The following RNF43 variants were observed in gnomAD, a reference collection of about 807,000 sequenced individuals.
RNF43 encodes the protein E3 ubiquitin-protein ligase RNF43.
Under a neutral mutation model 78.4 loss-of-function variants are expected in RNF43, and 37 were observed. The ratio of observed to expected loss-of-function variants is 0.47; its 90% CI spans 0.36 to 0.62. RNF43 has a LOEUF of 0.62. Ranked by LOEUF, RNF43 falls within the 20% of genes least tolerant of loss-of-function variation. The probability of loss-of-function intolerance (pLI) is 0.00; values close to 1 mark genes in which losing one functional copy is unlikely to be tolerated. For synonymous variants in RNF43, 347 were observed against 395.0 expected, an observed-to-expected ratio of 0.88 and a Z score of 1.44; for missense variants, 774 against 1,007.9, an observed-to-expected ratio of 0.77 and a Z score of 3.14.
At chr17:58,362,738 G>T (rs1396274578) in intron 5 of RNF43, 90 bp from the exon 6 acceptor site, 7 of 972,794 alleles carry the variant, frequency 7.2e-6, no homozygotes, top group Non-Finnish European at 1.1e-5. Flanking sequence ...GAGGCACATA[G>T]CTAACTGGAG....
At chr17:58,412,153 A>T (rs1232767535) in intron 2 of RNF43, among the ~76,000 whole-genome samples, 1 of 152,172 alleles carries the variant, frequency 6.6e-6, no homozygotes, top group African/African-American at 2.4e-5. Flanking sequence ...AAAATAAAAG[A>T]GTGGAAGGAA....
chr17:58,384,173 TA>T (rs1973383247), intron 2 of RNF43, among the ~76,000 whole-genome samples: 1 of 152,216 alleles, frequency 6.6e-6, no homozygotes, highest in Non-Finnish European at 1.5e-5. Flanking sequence ...GCGCAAATAG[TA>T]AGAGACACAA....
At chr17:58,395,964 G>A (rs1038006318) in intron 2 of RNF43, among the ~76,000 whole-genome samples, 2 of 148,916 alleles carry the variant, frequency 1.3e-5, no homozygotes, top group African/African-American at 2.5e-5. Flanking sequence ...AGACACAACC[G>A]TTAGGATGTA....
At chr17:58,396,764 T>C (rs1013067263) in intron 2 of RNF43, among the ~76,000 whole-genome samples, 2 of 152,228 alleles carry the variant, frequency 1.3e-5, no homozygotes, top group African/African-American at 4.8e-5. Context: ...TATGTATATA[T>C]GTATGGAATA....
intron 2 of RNF43, among the ~76,000 whole-genome samples, chr17:58,391,689 C>T (rs1259436791): frequency 6.6e-6 from 1 of 152,210 alleles, no homozygotes; most frequent in Non-Finnish European, 1.5e-5. Context: ...AATTCTTACC[C>T]ACCCGTCAGA....
chr17:58,372,077 G>T (rs1225117504), intron 2 of RNF43, among the ~76,000 whole-genome samples: 13 of 152,174 alleles, frequency 8.5e-5, no homozygotes, highest in Admixed American at 8.5e-4. Flanking sequence ...TTAGAGAGCT[G>T]CCCACACTTC....
intron 2 of RNF43, among the ~76,000 whole-genome samples, chr17:58,374,346 T>C (rs1227552064): frequency 6.6e-6 from 1 of 152,094 alleles, no homozygotes. Flanking sequence ...CCCTAAAATG[T>C]TGATGGTGAC....
chr17:58,415,929 C>A lies in RNF43; in HGVS notation c.-352G>T. ...ATTTGTATTATGTCAGATCACTTGG[C>A]ATTGCTCTTCCATATGCATCAAGTT... is the stretch of plus-strand genomic sequence containing the variant. On this transcript the variant is annotated 5_prime_UTR_variant, in exon 2 of 10. The change abolishes an upstream ATG in the 5' untranslated region. Coordinates refer to ENST00000407977, the MANE Select transcript of RNF43 (RefSeq NM_017763.6). 1 of 358,134 alleles carries A rather than the reference C, an allele frequency of 2.8e-6. No homozygotes were observed. Among genetic ancestry groups the A allele is most frequent in the Non-Finnish European group, 5.2e-6 (1 of 192,232 alleles). 22.2% of individuals were successfully genotyped at this position (358,134 alleles called of 1,614,324 possible).
downstream of RNF43, chr17:58,352,938 A>G (rs1489757445): frequency 9.5e-6 from 2 of 211,468 alleles, no homozygotes; most frequent in East Asian, 7.0e-5. Flanking sequence ...CTAAACCACC[A>G]CCCCTACCAA....
chr17:58,390,374 G>A (rs980104767), intron 2 of RNF43, among the ~76,000 whole-genome samples: 1 of 152,140 alleles, frequency 6.6e-6, no homozygotes, highest in Non-Finnish European at 1.5e-5. Flanking sequence ...TTTAGTTGAA[G>A]AAAGTGAGGC....
chr17:58,401,779 G>A (rs1567894556), intron 2 of RNF43, among the ~76,000 whole-genome samples: 1 of 149,800 alleles, frequency 6.7e-6, no homozygotes, highest in Non-Finnish European at 1.5e-5. Context: ...ATAAACTAAA[G>A]GGACACTTTC....
At chr17:58,403,026 G>A (rs1171648916) in intron 2 of RNF43, among the ~76,000 whole-genome samples, 3 of 152,212 alleles carry the variant, frequency 2.0e-5, no homozygotes, top group South Asian at 4.2e-4. Flanking sequence ...TTGTTGTTTC[G>A]AGTTTATTAG....
chr17:58,411,442 G>T (rs891743891), intron 2 of RNF43, among the ~76,000 whole-genome samples: 5 of 151,998 alleles, frequency 3.3e-5, no homozygotes, highest in African/African-American at 1.2e-4. Flanking sequence ...GCAAAGATGG[G>T]ATAACTATGT....
At chr17:58,403,466 C>A (rs758586133) in intron 2 of RNF43, among the ~76,000 whole-genome samples, 2 of 152,176 alleles carry the variant, frequency 1.3e-5, no homozygotes, top group Non-Finnish European at 2.9e-5. Context: ...TAGTTGGAAA[C>A]CCCCTGGGGA....
Position 58,370,280 on chromosome 17 carries a change from G to C in RNF43, c.375+631C>G, listed in dbSNP as rs372146340. On this transcript the variant is annotated intron_variant, in intron 3 of 9. Coordinates refer to ENST00000407977, the MANE Select transcript of RNF43 (RefSeq NM_017763.6). ...AGACGGGGTTTCACTGTGTTAGCCA[G>C]GATGGTCTCGATCTCCTGACCTCGT... Among the ~76,000 whole-genome samples the C allele has an allele frequency of 2.6e-5, 4 of 152,038 alleles. No homozygotes were observed. In the East Asian group the frequency reaches 7.7e-4, roughly 29 times the overall value.
intron 2 of RNF43, among the ~76,000 whole-genome samples, chr17:58,405,171 G>A (rs865917536): frequency 2.5e-4 from 36 of 143,654 alleles, no homozygotes; most frequent in Middle Eastern, 7.4e-3. Context: ...TCCACCTCCC[G>A]GGTTCATGCC....
At chr17:58,396,926 A>T (rs1973693792) in intron 2 of RNF43, among the ~76,000 whole-genome samples, 1 of 152,152 alleles carries the variant, frequency 6.6e-6, no homozygotes, top group Non-Finnish European at 1.5e-5. Context: ...GGTATGACAT[A>T]CACAATCTTC....
intron 2 of RNF43, among the ~76,000 whole-genome samples, chr17:58,395,858 C>T (rs552278426): frequency 1.5e-4 from 23 of 152,286 alleles, no homozygotes; most frequent in African/African-American, 5.1e-4. Context: ...GCTGTGATTT[C>T]AGTTCTTCTC....
intron 2 of RNF43, among the ~76,000 whole-genome samples, chr17:58,411,713 T>C (rs1187253063): frequency 1.3e-5 from 2 of 152,330 alleles, no homozygotes; most frequent in African/African-American, 2.4e-5. Context: ...TCTTACTCTT[T>C]TGCTCTGAGA....
Sources: gnomAD v4.1 joint callset for allele counts (sites outside exome capture counted in the v4.1 genomes callset) on GRCh38, gnomAD v4.1.1 for gene constraint, MANE v1.5 for transcripts, NCBI Gene and HGNC (gene_info 2026-07-23, HGNC 2026-07-21) for gene names.